PPP2CB: variants seen among roughly 807,000 people sequenced by gnomAD.
The protein encoded by PPP2CB is serine/threonine-protein phosphatase 2A catalytic subunit beta isoform.
In PPP2CB, 18 loss-of-function variants were observed where a neutral mutation model predicts 39.1. The ratio of observed to expected loss-of-function variants is 0.46; its 90% CI spans 0.32 to 0.68. The LOEUF (loss-of-function observed/expected upper bound fraction) is 0.68, where lower values mean the gene tolerates loss of function less well. PPP2CB is among the 30% of genes least tolerant of loss of function. The probability of loss-of-function intolerance (pLI) is 0.04; values close to 1 mark genes in which losing one functional copy is unlikely to be tolerated. For synonymous variants in PPP2CB, 129 were observed against 133.8 expected (o/e 0.96, Z 0.25); for missense variants, 226 against 396.9 (o/e 0.57, Z 3.66).
At chr8:30,790,052 A>G (rs1235206135) in intron 6 of PPP2CB, among the ~76,000 whole-genome samples, 1 of 152,032 alleles carries the variant, frequency 6.6e-6, no homozygotes, top group African/African-American at 2.4e-5. Flanking sequence ...TTCGAATTGG[A>G]TTTAGGCCCA....
rs1328800836 is a variant in PPP2CB, at chr8:30,812,571, G to A, written c.-150C>T. ...ACAGGGGGAGGACTGAGCCGGGTAGGGCGGCCGCGGGCCCCGCGCCCCGCC... is the reference window on the plus strand; with the variant it reads ...ACAGGGGGAGGACTGAGCCGGGTAGAGCGGCCGCGGGCCCCGCGCCCCGCC... On this transcript the variant is annotated 5_prime_UTR_variant, in exon 1 of 7. Coordinates refer to ENST00000221138, the MANE Select transcript of PPP2CB (RefSeq NM_001009552.2). 7 of 409,006 alleles carry A rather than the reference G, an allele frequency of 1.7e-5. No individual in the cohort carries two copies. The highest frequency in any genetic ancestry group is 4.8e-5 in the Admixed American group (1 of 20,690). The allele number at this position is 409,006 out of a possible 1,614,324, so 25.3% of individuals were successfully genotyped here.
chr8:30,811,189 G>C (rs2128763242), intron 1 of PPP2CB, among the ~76,000 whole-genome samples: 1 of 152,200 alleles, frequency 6.6e-6, no homozygotes, highest in East Asian at 1.9e-4. Flanking sequence ...CGATGTACAA[G>C]AACGAACTGA....
rs1806335356 is a variant in PPP2CB, at chr8:30,786,075, T to C, written c.*160A>G. On this transcript the variant is annotated 3_prime_UTR_variant, in exon 7 of 7. Coordinates refer to ENST00000221138, the MANE Select transcript of PPP2CB (RefSeq NM_001009552.2). ...CTCAAATTGTGCTAAATGCTCATCA[T>C]TAGTATGGCACATTTGGTCCATGAT... 1 of 711,794 alleles carries C rather than the reference T, an allele frequency of 1.4e-6. No individual in the cohort carries two copies. The allele number at this position is 711,794 out of a possible 1,614,324, so 44.1% of individuals were successfully genotyped here.
intron 1 of PPP2CB, among the ~76,000 whole-genome samples, chr8:30,807,152 C>T (rs539740334): frequency 1.3e-4 from 20 of 152,244 alleles, no homozygotes; most frequent in African/African-American, 4.6e-4. Flanking sequence ...AAGAAAGGAG[C>T]TATTTTATCA....
Position 30,812,434 on chromosome 8 carries a change from C to T in PPP2CB, c.-13G>A. 1 of 1,514,494 alleles carries T rather than the reference C, an allele frequency of 6.6e-7. No individual in the cohort carries two copies. Among genetic ancestry groups the T allele is most frequent in the Non-Finnish European group, 8.9e-7 (1 of 1,128,128 alleles). The allele number at this position is 1,514,494 out of a possible 1,614,324, so 93.8% of individuals were successfully genotyped here. ...CCTTGTCGTCCATGGCGGCCCGATCCCGATGCGGATCCCGAGCCCCAGCCC... is the reference window on the plus strand; with the variant it reads ...CCTTGTCGTCCATGGCGGCCCGATCTCGATGCGGATCCCGAGCCCCAGCCC... On this transcript the variant is annotated 5_prime_UTR_variant, in exon 1 of 7. Coordinates refer to ENST00000221138, the MANE Select transcript of PPP2CB (RefSeq NM_001009552.2).
chr8:30,806,487 C>T (rs73587237), intron 1 of PPP2CB, among the ~76,000 whole-genome samples: 145 of 152,280 alleles, frequency 9.5e-4, no homozygotes, highest in African/African-American at 3.4e-3. Context: ...GTTTACATTT[C>T]ATTACATTTA....
intron 5 of PPP2CB, among the ~76,000 whole-genome samples, chr8:30,792,900 GT>G (rs888926084): frequency 1.3e-5 from 2 of 151,752 alleles, no homozygotes; most frequent in Admixed American, 1.3e-4. Flanking sequence ...GTAAATTTGT[GT>G]TTTTTTTATC....
intron 1 of PPP2CB, among the ~76,000 whole-genome samples, chr8:30,801,638 T>C (rs576276420): frequency 7.5e-4 from 114 of 152,318 alleles, no homozygotes; most frequent in African/African-American, 2.1e-3. Flanking sequence ...GACAGTTCTC[T>C]GCCTCTTCAG....
intron 6 of PPP2CB, among the ~76,000 whole-genome samples, chr8:30,790,818 G>A (rs1053138321): frequency 6.6e-6 from 1 of 152,322 alleles, no homozygotes; most frequent in Middle Eastern, 3.4e-3. Context: ...GGGAGCTGAT[G>A]AAGAGGGGGA....
intron 6 of PPP2CB, 107 bp from the exon 7 acceptor site, chr8:30,786,414 C>T (rs1806342484): frequency 2.3e-6 from 2 of 867,754 alleles, no homozygotes; most frequent in East Asian, 5.4e-5. Flanking sequence ...GCTTTCCCAC[C>T]ATGACTACAT....
At chr8:30,787,443 T>C (rs1376813935) in intron 6 of PPP2CB, among the ~76,000 whole-genome samples, 1 of 152,160 alleles carries the variant, frequency 6.6e-6, no homozygotes, top group Non-Finnish European at 1.5e-5. Flanking sequence ...TGGGCTCAGG[T>C]GATCCTCCCA....
intron 6 of PPP2CB, among the ~76,000 whole-genome samples, chr8:30,789,950 C>T (rs1806404853): frequency 6.6e-6 from 1 of 152,160 alleles, no homozygotes. Context: ...ATGGCTCTGG[C>T]AATCCTTAGC....
chr8:30,808,095 G>A (rs1254910300), intron 1 of PPP2CB, among the ~76,000 whole-genome samples: 1 of 151,948 alleles, frequency 6.6e-6, no homozygotes, highest in Admixed American at 6.6e-5. Context: ...GATTTCAGTG[G>A]ACTCCTTCAG....
intron 3 of PPP2CB, 107 bp from the exon 4 acceptor site, chr8:30,794,388 A>G: frequency 1.1e-6 from 1 of 946,032 alleles, no homozygotes; most frequent in Non-Finnish European, 1.6e-6. Context: ...GCCAACATTT[A>G]AACATATTTT....
intron 1 of PPP2CB, among the ~76,000 whole-genome samples, chr8:30,806,724 G>C (rs186412980): frequency 6.6e-6 from 1 of 151,920 alleles, no homozygotes; most frequent in Non-Finnish European, 1.5e-5. Context: ...TATAACATTC[G>C]TACTGAAGAG....
At chr8:30,797,445 A>T in intron 3 of PPP2CB, 136 bp downstream of exon 3, 3 of 831,500 alleles carry the variant, frequency 3.6e-6, no homozygotes, top group Non-Finnish European at 5.3e-6. Context: ...TTGAAATTTT[A>T]AGTATAAGGG....
intron 1 of PPP2CB, 73 bp downstream of exon 1, chr8:30,812,247 G>A: frequency 2.5e-6 from 3 of 1,211,070 alleles, no homozygotes; most frequent in South Asian, 1.9e-5. Context: ...GGGCGGACGG[G>A]ACCGGGGCGG....
chr8:30,799,433 T>C, intron 2 of PPP2CB, 113 bp downstream of exon 2: 2 of 830,594 alleles, frequency 2.4e-6, no homozygotes, highest in Non-Finnish European at 3.7e-6. Flanking sequence ...CAATTATTAT[T>C]TTAAGGGGCT....
At chr8:30,808,287 T>C (rs1399466861) in intron 1 of PPP2CB, among the ~76,000 whole-genome samples, 2 of 152,050 alleles carry the variant, frequency 1.3e-5, no homozygotes, top group Admixed American at 1.3e-4. Flanking sequence ...TTAGTAGAGA[T>C]AGGGTTTTAC....
Sources: gnomAD v4.1 joint callset for allele counts (sites outside exome capture counted in the v4.1 genomes callset) on GRCh38, gnomAD v4.1.1 for gene constraint, MANE v1.5 for transcripts, NCBI Gene and HGNC (gene_info 2026-07-23, HGNC 2026-07-21) for gene names.